Variants in CDKAL1 observed in about 807,000 individuals in gnomAD.
The protein encoded by CDKAL1 is CDKAL1 threonylcarbamoyladenosine tRNA methylthiotransferase.
In CDKAL1, 32 loss-of-function variants were observed where a neutral mutation model predicts 68.2. That is an observed-to-expected ratio of 0.47 (90% CI 0.35 to 0.63). The LOEUF (loss-of-function observed/expected upper bound fraction) is 0.63. Among genes scored for constraint, CDKAL1 ranks in the 30% least tolerant of loss-of-function variants. CDKAL1 has a pLI of 0.00. For synonymous variants in CDKAL1, 234 were observed against 244.3 expected (o/e 0.96, Z 0.39); for missense variants, 606 against 696.7 (o/e 0.87, Z 1.47).
chr6:21,182,165 C>G (rs532872897), intron 13 of CDKAL1, among the ~76,000 whole-genome samples: 1 of 152,244 alleles, frequency 6.6e-6, no homozygotes, highest in African/African-American at 2.4e-5. Flanking sequence ...TATAGCTGCT[C>G]TTTGTTATGA....
rs573538643 is a variant in CDKAL1 at position 20,829,504 on chromosome 6, A to G, written c.639-16571A>G. Among the ~76,000 whole-genome samples, 522 of 152,314 alleles carry G rather than the reference A, an allele frequency of 3.4e-3. 3 individuals are homozygous for G. The highest frequency in any genetic ancestry group is 3.8e-3 in the Non-Finnish European group (256 of 68,030). On this transcript the variant is annotated intron_variant, in intron 8 of 15. Coordinates refer to ENST00000274695, the MANE Select transcript of CDKAL1 (RefSeq NM_017774.3). ...TATTTACTTGCTTCCTCATATCACG[A>G]AAACTTTCTTGGGTAGATGCAATGC... is the stretch of plus-strand genomic sequence containing the variant.
intron 13 of CDKAL1, among the ~76,000 whole-genome samples, chr6:21,159,955 A>G (rs1012041028): frequency 2.0e-5 from 3 of 152,186 alleles, no homozygotes; most frequent in African/African-American, 4.8e-5. Flanking sequence ...GATCTTTGCA[A>G]TGAGGCCTGA....
chr6:20,927,171 A>C (rs1763226732), intron 9 of CDKAL1, among the ~76,000 whole-genome samples: 1 of 152,176 alleles, frequency 6.6e-6, no homozygotes, highest in Admixed American at 6.5e-5. Flanking sequence ...GTGTTTAAAC[A>C]GCGCCTTTCT....
At chr6:20,631,325 C>G (rs1353933052) in intron 4 of CDKAL1, among the ~76,000 whole-genome samples, 1 of 152,148 alleles carries the variant, frequency 6.6e-6, no homozygotes, top group Non-Finnish European at 1.5e-5. Flanking sequence ...GCTTGTGGCA[C>G]AGTTCTGCTT....
At chr6:20,956,189 C>T (rs1482671833) in intron 10 of CDKAL1, among the ~76,000 whole-genome samples, 1 of 152,166 alleles carries the variant, frequency 6.6e-6, no homozygotes, top group African/African-American at 2.4e-5. Flanking sequence ...AGAGAATTTC[C>T]TTCCTTGTTT....
chr6:20,924,332 C>G (rs1394550263), intron 9 of CDKAL1, among the ~76,000 whole-genome samples: 1 of 151,206 alleles, frequency 6.6e-6, no homozygotes, highest in African/African-American at 2.4e-5. Context: ...CACCACTGCA[C>G]TCCAGCCTGA....
chr6:21,079,976 CTGTGTG>C (rs764266426), intron 12 of CDKAL1, among the ~76,000 whole-genome samples: 9 of 135,746 alleles, frequency 6.6e-5, no homozygotes, highest in South Asian at 2.6e-4. Context: ...AACTTTGTCT[CTGTGTG>C]TGTGTGTGTG....
chr6:20,829,309 T>C (rs2150459012), intron 8 of CDKAL1, among the ~76,000 whole-genome samples: 1 of 152,336 alleles, frequency 6.6e-6, no homozygotes, highest in South Asian at 2.1e-4. Context: ...CCATTTTACA[T>C]TCCCACTGTC....
At chr6:20,653,808 T>G (rs1371606440) in intron 5 of CDKAL1, among the ~76,000 whole-genome samples, 1 of 152,118 alleles carries the variant, frequency 6.6e-6, no homozygotes, top group Non-Finnish European at 1.5e-5. Context: ...AGATGGAGTT[T>G]CACCATGTTG....
intron 12 of CDKAL1, among the ~76,000 whole-genome samples, chr6:21,078,530 G>A (rs1458461205): frequency 6.6e-6 from 1 of 152,130 alleles, no homozygotes; most frequent in Admixed American, 6.5e-5. Flanking sequence ...GGAAACTGAG[G>A]CCATGAGTGA....
At chr6:21,107,586 C>T (rs1445937090) in intron 12 of CDKAL1, among the ~76,000 whole-genome samples, 1 of 152,084 alleles carries the variant, frequency 6.6e-6, no homozygotes, top group Non-Finnish European at 1.5e-5. Flanking sequence ...CACCACCACA[C>T]CCAGCTAATT....
intron 15 of CDKAL1, among the ~76,000 whole-genome samples, chr6:21,226,911 A>G (rs1779770289): frequency 6.6e-6 from 1 of 152,104 alleles, no homozygotes; most frequent in African/African-American, 2.4e-5. Context: ...ACGGGGTTTC[A>G]CCGTGTTAGC....
intron 4 of CDKAL1, among the ~76,000 whole-genome samples, chr6:20,598,093 A>G (rs1162951291): frequency 1.3e-5 from 2 of 152,192 alleles, no homozygotes; most frequent in Non-Finnish European, 2.9e-5. Context: ...TATAGTGCGG[A>G]CATGATAGTG....
At chr6:20,672,601 CA>C (rs1461582645) in intron 5 of CDKAL1, among the ~76,000 whole-genome samples, 2 of 152,108 alleles carry the variant, frequency 1.3e-5, no homozygotes, top group African/African-American at 4.8e-5. Flanking sequence ...GTGATCTGCC[CA>C]CCTGGGCCTC....
chr6:20,936,775 A>G (rs1438721266), intron 9 of CDKAL1, among the ~76,000 whole-genome samples: 2 of 152,142 alleles, frequency 1.3e-5, no homozygotes, highest in Non-Finnish European at 2.9e-5. Context: ...AATAGGTGAT[A>G]ATTTTAGAAG....
intron 13 of CDKAL1, among the ~76,000 whole-genome samples, chr6:21,145,025 G>A (rs1156951982): frequency 6.6e-6 from 1 of 152,146 alleles, no homozygotes; most frequent in African/African-American, 2.4e-5. Flanking sequence ...TGAGCCCTAG[G>A]TGGTCATGTC....
intron 14 of CDKAL1, among the ~76,000 whole-genome samples, chr6:21,198,478 A>G (rs1335955329): frequency 6.6e-6 from 1 of 152,218 alleles, no homozygotes; most frequent in Non-Finnish European, 1.5e-5. Flanking sequence ...ATGAAAGGGC[A>G]GGGATTTCCT....
intron 9 of CDKAL1, among the ~76,000 whole-genome samples, chr6:20,853,581 A>G (rs1759157475): frequency 6.6e-6 from 1 of 152,172 alleles, no homozygotes; most frequent in African/African-American, 2.4e-5. Flanking sequence ...TTAAGAACTA[A>G]TATAGATGTA....
intron 5 of CDKAL1, among the ~76,000 whole-genome samples, chr6:20,728,875 A>AT (rs917182209): frequency 1.9e-4 from 29 of 151,122 alleles, no homozygotes; most frequent in East Asian, 1.5e-3. Context: ...TTCTTTTTTT[A>AT]TTTTTTTTGA....
Sources: gnomAD v4.1 joint callset for allele counts (sites outside exome capture counted in the v4.1 genomes callset) on GRCh38, gnomAD v4.1.1 for gene constraint, MANE v1.5 for transcripts, NCBI Gene and HGNC (gene_info 2026-07-23, HGNC 2026-07-21) for gene names.